Variants in RTEL1 observed in about 807,000 individuals in gnomAD.
RTEL1 encodes the protein regulator of telomere length.
A neutral mutation model predicts 162.2 loss-of-function variants in RTEL1; 86 were observed. That is an observed-to-expected ratio of 0.53 (90% confidence interval 0.45 to 0.63). The LOEUF (loss-of-function observed/expected upper bound fraction) is 0.63. RTEL1 is among the 30% of genes least tolerant of loss of function. The pLI is 0.00. For synonymous variants in RTEL1, 958 were observed against 717.9 expected (o/e 1.33, Z -5.35); for missense variants, 1,941 against 1,750.2 (o/e 1.11, Z -1.95).
Position 63,696,075 on chromosome 20 carries a change from T to G in RTEL1, c.*217T>G. 1.8e-6 allele frequency: 1 copy of G among 562,602 alleles called. No individual in the cohort carries two copies. The allele number at this position is 562,602 out of a possible 1,614,324, so 34.9% of individuals were successfully genotyped here. A position where few individuals can be genotyped will look rare whatever the true frequency, so the allele number is the denominator to read the frequency against. ...CCCTGAGCTACCTTGGGGTCTGGGG[T>G]GGGTTTCTGGGAAAGTGCTTCCCCA... is the stretch of plus-strand genomic sequence containing the variant. On this transcript the variant is annotated 3_prime_UTR_variant, in exon 35 of 35. Coordinates refer to ENST00000360203, the MANE Select transcript of RTEL1 (RefSeq NM_001283009.2).
chr20:63,662,448 C>G, intron 4 of RTEL1, 98 bp from the exon 5 acceptor site: 1 of 1,574,376 alleles, frequency 6.4e-7, no homozygotes, highest in South Asian at 1.2e-5. Flanking sequence ...CTCTGACCGC[C>G]GAGGCTCCTG....
chr20:63,661,980 C>T lies in RTEL1; in HGVS notation c.395+37C>T. On this transcript the variant is annotated intron_variant, in intron 4 of 34. Coordinates refer to ENST00000360203, the MANE Select transcript of RTEL1 (RefSeq NM_001283009.2). The surrounding 1 kb of genome is among the most constrained non-coding windows in gnomAD (Gnocchi z 5.1). Reference sequence around the variant, plus strand: ...GAGTTTACACCTGTCTCGGGGTCCTCAAGAGAACCAGCTTGGCATGGTGCT... The same window carrying T: ...GAGTTTACACCTGTCTCGGGGTCCTTAAGAGAACCAGCTTGGCATGGTGCT... The T allele has an allele frequency of 3.4e-6, 5 of 1,487,310 alleles. No homozygotes were observed. The highest frequency in any genetic ancestry group is 3.8e-6 in the Non-Finnish European group (4 of 1,064,808). The allele number at this position is 1,487,310 out of a possible 1,614,324, so 92.1% of individuals were successfully genotyped here.
chr20:63,681,359 G>A, intron 14 of RTEL1: 2 of 985,382 alleles, frequency 2.0e-6, no homozygotes, highest in Non-Finnish European at 2.4e-6. Flanking sequence ...CGGGGCCTCG[G>A]TGGCTTTTTT....
chr20:63,693,600 A>ACCACCACCT, intron 30 of RTEL1, among the ~76,000 whole-genome samples: 1 of 50,150 alleles, frequency 2.0e-5, no homozygotes, highest in Non-Finnish European at 4.1e-5. Flanking sequence ...CTCCACCTCC[A>ACCACCACCT]CCACCACCAC....
At chr20:63,689,472 C>G (rs775171047) in intron 22 of RTEL1, 30 bp from the exon 23 acceptor site, 59 of 1,519,592 alleles carry the variant, frequency 3.9e-5, no homozygotes, top group Non-Finnish European at 5.1e-5. Flanking sequence ...GCCCCCACGG[C>G]CCCAGGCAGC....
chr20:63,689,013 G>C (rs201190136), intron 21 of RTEL1, 42 bp from the exon 22 acceptor site: 7 of 1,385,922 alleles, frequency 5.1e-6, no homozygotes, highest in African/African-American at 4.6e-5. Flanking sequence ...GGAAGGGGCT[G>C]GGGGGGGGCT....
At chr20:63,678,053 C>CT in intron 10 of RTEL1, 92 bp from the exon 11 acceptor site, 1 of 1,474,484 alleles carries the variant, frequency 6.8e-7, no homozygotes, top group South Asian at 1.2e-5. Context: ...TGTTGGTGTC[C>CT]TTTTTTCCAT....
At chr20:63,673,624 A>T (rs1241676374) in intron 9 of RTEL1, among the ~76,000 whole-genome samples, 5 of 152,034 alleles carry the variant, frequency 3.3e-5, no homozygotes, top group African/African-American at 1.2e-4. Flanking sequence ...TTTTTTGTAG[A>T]GGCGGGGTTT....
rs2090049738 is a variant in RTEL1, at chr20:63,662,909, A to G, written c.538+20A>G. 2.5e-6 allele frequency: 4 copies of G among 1,612,346 alleles called. No individual in the cohort carries two copies. The highest frequency in any genetic ancestry group is 1.1e-5 in the South Asian group (1 of 91,072). On this transcript the variant is annotated intron_variant, in intron 6 of 34. Transcript: ENST00000360203. The stretch of plus-strand genomic sequence containing the variant: ...TAGAAGGTACAAGCAGCTGGGTGGG[A>G]CCAGGGTCGGGTTGGAGTGTGTGCA...
intron 30 of RTEL1, among the ~76,000 whole-genome samples, chr20:63,694,031 C>T (rs1366743071): frequency 1.3e-5 from 2 of 151,982 alleles, no homozygotes; most frequent in Non-Finnish European, 2.9e-5. Flanking sequence ...ACAGCCCCTA[C>T]AGAGTTCCCC....
intron 16 of RTEL1, 46 bp downstream of exon 16, chr20:63,685,918 C>G (rs1226165050): frequency 7.7e-6 from 12 of 1,549,348 alleles, no homozygotes; most frequent in Non-Finnish European, 9.7e-6. Context: ...GGGTGCAGTG[C>G]CCGGCACCAC....
Position 63,694,807 on chromosome 20 carries a change from C to T in RTEL1, c.3176C>T (p.Ala1059Val), listed in dbSNP as rs1186267148. The change falls in exon 32 of 35, where the codon GCC becomes GTC. Residue 1059 changes from alanine (A) to valine (V), a missense_variant. Ala to Val is a moderately conservative substitution (Grantham distance 64, BLOSUM62 0). Transcript: ENST00000360203. Reference sequence around the variant, plus strand: ...AGAGCAGGGAAGCAGGGCCAGCACGCCGTGAGCGCCTACCTGGCTGATGCC... The same window carrying T: ...AGAGCAGGGAAGCAGGGCCAGCACGTCGTGAGCGCCTACCTGGCTGATGCC... ...VPRAGKQGQH[A>V]VSAYLADARR... 3 of 1,612,426 alleles carry T rather than the reference C, an allele frequency of 1.9e-6. No individual in the cohort carries two copies. The highest frequency in any genetic ancestry group is 2.5e-6 in the Non-Finnish European group (3 of 1,179,766).
At chr20:63,692,321 GC>G in intron 28 of RTEL1, 1 of 229,314 alleles carries the variant, frequency 4.4e-6, no homozygotes, top group Non-Finnish European at 8.7e-6. Context: ...CTGCTGAGGG[GC>G]CTGGGCTGGC....
chr20:63,667,861 G>A (rs762503593), intron 8 of RTEL1, among the ~76,000 whole-genome samples: 17 of 151,910 alleles, frequency 1.1e-4, no homozygotes, highest in South Asian at 2.1e-4. Flanking sequence ...TCTCCTTCAC[G>A]TCAGGCCATG....
intron 27 of RTEL1, 50 bp downstream of exon 27, chr20:63,690,997 C>T: frequency 6.7e-7 from 1 of 1,496,888 alleles, no homozygotes; most frequent in East Asian, 2.5e-5. Context: ...TCTCCTGAGG[C>T]CAACCCGACC....
At chr20:63,692,575 C>T (rs2090775734) in intron 28 of RTEL1, 1 of 587,546 alleles carries the variant, frequency 1.7e-6, no homozygotes, top group South Asian at 2.0e-5. Context: ...ATTCACTGCT[C>T]TCAGTTCCCT....
chr20:63,682,048 C>T, intron 14 of RTEL1: 1 of 985,470 alleles, frequency 1.0e-6, no homozygotes, highest in Non-Finnish European at 1.2e-6. Context: ...GCGAGGTAGC[C>T]CTGCAGCCCA....
chr20:63,694,439 G>A lies in RTEL1; in HGVS notation c.3060G>A (p.Glu1020=), dbSNP rs202131779. 3 of 1,612,138 alleles carry A rather than the reference G, an allele frequency of 1.9e-6. No individual in the cohort carries two copies. Among genetic ancestry groups the A allele is most frequent in the Non-Finnish European group, 1.7e-6 (2 of 1,179,492 alleles). Residue 1020 remains glutamate (E), a synonymous_variant, in exon 31 of 35, where the codon GAG becomes GAA. Coordinates refer to ENST00000360203, the MANE Select transcript of RTEL1 (RefSeq NM_001283009.2). ...CAGCCCAGCAGCTGGACCCCCAAGA[G>A]CACCTGAACCAGGGCAGGCCCCACC... The part of the protein sequence containing the change: ...TAAAQQLDPQ[E]HLNQGRPHLS...
Position 63,695,058 on chromosome 20 carries a change from C to T in RTEL1, c.3344-8C>T, listed in dbSNP as rs766622418. 6 of 1,611,840 alleles carry T rather than the reference C, an allele frequency of 3.7e-6. No homozygotes were observed. The highest frequency in any genetic ancestry group is 5.1e-6 in the Non-Finnish European group (6 of 1,179,502). On this transcript the variant is annotated splice_polypyrimidine_tract_variant and splice_region_variant and intron_variant, in intron 32 of 34. Transcript: ENST00000360203. Reference sequence around the variant, plus strand: ...GGCTGTGCCGGGTCTGATTGAAGCTCCCCGCAGGGTTCAGCATGTTTGTGC... The same window carrying T: ...GGCTGTGCCGGGTCTGATTGAAGCTTCCCGCAGGGTTCAGCATGTTTGTGC...
Sources: allele counts gnomAD v4.1 joint callset (sites outside exome capture counted in the v4.1 genomes callset), GRCh38; gene constraint gnomAD v4.1.1; non-coding constraint Gnocchi (gnomAD v3.1); transcripts MANE v1.5; gene names NCBI Gene and HGNC (gene_info 2026-07-23, HGNC 2026-07-21).